RIC1: variants seen among roughly 807,000 people sequenced by gnomAD.
The protein encoded by RIC1 is guanine nucleotide exchange factor subunit RIC1.
Under a neutral mutation model 169.0 loss-of-function variants are expected in RIC1, and 88 were observed. That is an observed-to-expected ratio of 0.52 (90% CI 0.44 to 0.62). The LOEUF (loss-of-function observed/expected upper bound fraction) is 0.62, where lower values mean the gene tolerates loss of function less well. RIC1 is among the 20% of genes least tolerant of loss of function. RIC1 has a pLI of 0.00. For synonymous variants in RIC1, 790 were observed against 601.5 expected (o/e 1.31, Z -4.59); for missense variants, 1,877 against 1,725.5 (o/e 1.09, Z -1.56).
intron 6 of RIC1, among the ~76,000 whole-genome samples, chr9:5,724,086 C>T (rs983280698): frequency 3.9e-5 from 6 of 152,086 alleles, no homozygotes; most frequent in South Asian, 2.1e-4. Flanking sequence ...TTTTTTCCAA[C>T]TCTGTGAAGA....
chr9:5,646,892 G>A (rs1818545735), intron 1 of RIC1, among the ~76,000 whole-genome samples: 1 of 152,066 alleles, frequency 6.6e-6, no homozygotes, highest in East Asian at 1.9e-4. Context: ...CAAATCCAAA[G>A]TCATGAAGTT....
chr9:5,752,906 C>T (rs556913306), intron 12 of RIC1, among the ~76,000 whole-genome samples: 54 of 152,286 alleles, frequency 3.5e-4, no homozygotes, highest in South Asian at 6.2e-4. Context: ...CTCACAGGTG[C>T]CTTCTCTGAA....
intron 1 of RIC1, among the ~76,000 whole-genome samples, chr9:5,631,003 T>C (rs1480390906): frequency 1.3e-5 from 2 of 152,238 alleles, no homozygotes; most frequent in African/African-American, 2.4e-5. Context: ...TAACTTTTCT[T>C]ACCTTTAAAA....
chr9:5,683,625 C>G (rs1051397531), intron 2 of RIC1, among the ~76,000 whole-genome samples: 1 of 152,190 alleles, frequency 6.6e-6, no homozygotes, highest in Non-Finnish European at 1.5e-5. Flanking sequence ...TCTGCCGGTT[C>G]TCAGATCTCA....
chr9:5,723,627 C>T (rs1823757236), intron 6 of RIC1, among the ~76,000 whole-genome samples: 1 of 152,136 alleles, frequency 6.6e-6, no homozygotes, highest in Non-Finnish European at 1.5e-5. Flanking sequence ...TCATGAAGTC[C>T]TTGCCCATGC....
intron 7 of RIC1, among the ~76,000 whole-genome samples, chr9:5,733,598 C>A (rs957302136): frequency 6.6e-6 from 1 of 151,986 alleles, no homozygotes; most frequent in Non-Finnish European, 1.5e-5. Context: ...TCACATAAAT[C>A]ACTTTCATTA....
chr9:5,735,278 C>T (rs1824629891), intron 7 of RIC1, among the ~76,000 whole-genome samples: 1 of 151,974 alleles, frequency 6.6e-6, no homozygotes, highest in Non-Finnish European at 1.5e-5. Context: ...TTGAGCAATA[C>T]AGTCAAGTGA....
intron 2 of RIC1, among the ~76,000 whole-genome samples, chr9:5,678,491 A>G (rs1179206320): frequency 6.6e-6 from 1 of 151,770 alleles, no homozygotes; most frequent in Non-Finnish European, 1.5e-5. Flanking sequence ...CTATTTCTCC[A>G]CATCCTCTCC....
intron 1 of RIC1, among the ~76,000 whole-genome samples, chr9:5,636,901 T>C (rs1418644287): frequency 6.6e-6 from 1 of 152,186 alleles, no homozygotes; most frequent in Non-Finnish European, 1.5e-5. Context: ...TTAATTTGTA[T>C]TATCTATAGT....
chr9:5,733,403 G>A (rs985778840), intron 7 of RIC1, among the ~76,000 whole-genome samples: 3 of 151,302 alleles, frequency 2.0e-5, no homozygotes, highest in South Asian at 2.1e-4. Context: ...AGCTGGGACT[G>A]CAGGCGCCCA....
At chr9:5,727,860 T>TA (rs1587041104) in intron 6 of RIC1, among the ~76,000 whole-genome samples, 2 of 152,316 alleles carry the variant, frequency 1.3e-5, no homozygotes, top group East Asian at 3.9e-4. Context: ...GAACAGCACA[T>TA]ATTGCAGAAC....
intron 16 of RIC1, 65 bp downstream of exon 16, chr9:5,756,437 T>C (rs1413163596): frequency 2.6e-6 from 3 of 1,135,736 alleles, no homozygotes; most frequent in Non-Finnish European, 3.5e-6. Flanking sequence ...TTTTGTAGTT[T>C]TTGTTTTCTC....
intron 3 of RIC1, among the ~76,000 whole-genome samples, chr9:5,708,155 A>G (rs969176353): frequency 1.3e-5 from 2 of 152,150 alleles, no homozygotes; most frequent in Admixed American, 6.6e-5. Flanking sequence ...TAGCTTCAAT[A>G]ATATCTCAAA....
intron 9 of RIC1, 142 bp downstream of exon 9, chr9:5,743,155 A>T (rs1426118821): frequency 5.8e-6 from 4 of 686,690 alleles, no homozygotes; most frequent in Non-Finnish European, 9.6e-6. Flanking sequence ...ATCTGTTCGA[A>T]TATACTGATT....
chr9:5,777,172 TTTAA>T (rs761579569), downstream of RIC1, among the ~76,000 whole-genome samples: 1 of 152,120 alleles, frequency 6.6e-6, no homozygotes, highest in Non-Finnish European at 1.5e-5. Flanking sequence ...AAAATGTCTG[TTTAA>T]TTAGGTCGTT....
chr9:5,642,309 G>A (rs1818290132), intron 1 of RIC1, among the ~76,000 whole-genome samples: 1 of 144,124 alleles, frequency 6.9e-6, no homozygotes, highest in Non-Finnish European at 1.5e-5. Context: ...CACCCCTGTT[G>A]CCACCACCAC....
At chr9:5,703,024 A>T (rs1235523116) in intron 3 of RIC1, among the ~76,000 whole-genome samples, 3 of 151,990 alleles carry the variant, frequency 2.0e-5, no homozygotes, top group Non-Finnish European at 4.4e-5. Context: ...ATGTAATTCC[A>T]CCCTTGTCCC....
intron 21 of RIC1, among the ~76,000 whole-genome samples, chr9:5,767,228 T>C (rs1826835997): frequency 2.0e-5 from 3 of 152,252 alleles, no homozygotes; most frequent in Non-Finnish European, 4.4e-5. Context: ...TTTGACACTC[T>C]TGTGACCTAT....
chr9:5,745,948 C>T lies in RIC1; in HGVS notation c.1113C>T (p.Gly371=). The T allele has an allele frequency of 1.9e-6, 3 of 1,613,328 alleles. No homozygotes were observed. Among genetic ancestry groups the T allele is most frequent in the Non-Finnish European group, 2.5e-6 (3 of 1,179,468 alleles). ...KINSMSWGAE[G]YHLWVISGFG... is the part of the protein sequence containing the mutation. The stretch of plus-strand genomic sequence containing the variant: ...TCTCTAAGAGCTGGGGTGCAGAAGG[C>T]TATCACCTATGGGTAATCAGCGGAT... Residue 371 remains glycine (G), a synonymous_variant, in exon 11 of 26, where the codon GGC becomes GGT. Coordinates refer to ENST00000414202, the MANE Select transcript of RIC1 (RefSeq NM_020829.4).
Sources: allele counts gnomAD v4.1 joint callset (sites outside exome capture counted in the v4.1 genomes callset), GRCh38; gene constraint gnomAD v4.1.1; transcripts MANE v1.5; gene names NCBI Gene and HGNC (gene_info 2026-07-23, HGNC 2026-07-21).